The following CACNA2D1 variants were observed in gnomAD, a reference collection of about 807,000 sequenced individuals.
The protein encoded by CACNA2D1 is voltage-dependent calcium channel subunit alpha-2/delta-1.
CACNA2D1 carries 53 observed loss-of-function variants against 171.5 expected under a neutral mutation model. The observed-to-expected ratio is 0.31, with a 90% CI of 0.25 to 0.39. The LOEUF (loss-of-function observed/expected upper bound fraction) is 0.39, where lower values mean the gene tolerates loss of function less well. Among genes scored for constraint, CACNA2D1 ranks in the 10% least tolerant of loss-of-function variants. CACNA2D1 has a pLI of 1.00. For synonymous variants in CACNA2D1, 442 were observed against 443.1 expected, an observed-to-expected ratio of 1.00 and a Z score of 0.03; for missense variants, 903 against 1,299.8, an observed-to-expected ratio of 0.69 and a Z score of 4.69.
intron 6 of CACNA2D1, among the ~76,000 whole-genome samples, chr7:82,113,779 G>C (rs1173193861): frequency 6.6e-6 from 1 of 152,134 alleles, no homozygotes; most frequent in African/African-American, 2.4e-5. Context: ...AAATTTTCCA[G>C]ATCTTGTGGA....
At chr7:82,366,555 T>G (rs1239273644) in intron 1 of CACNA2D1, among the ~76,000 whole-genome samples, 1 of 150,748 alleles carries the variant, frequency 6.6e-6, no homozygotes, top group Non-Finnish European at 1.5e-5. Context: ...AAGACAATTA[T>G]GTGTTCTTTT....
intron 1 of CACNA2D1, among the ~76,000 whole-genome samples, chr7:82,352,102 T>C (rs1331546048): frequency 6.6e-6 from 1 of 152,212 alleles, no homozygotes; most frequent in Non-Finnish European, 1.5e-5. Context: ...TGAGCCTGTT[T>C]TGGCTGAAAA....
chr7:82,291,494 T>A (rs1398644491), intron 3 of CACNA2D1, among the ~76,000 whole-genome samples: 1 of 129,682 alleles, frequency 7.7e-6, no homozygotes, highest in African/African-American at 2.8e-5. Context: ...TTATATATAT[T>A]TTTATATATA....
At chr7:82,251,414 A>C (rs560530494) in intron 3 of CACNA2D1, among the ~76,000 whole-genome samples, 8 of 152,158 alleles carry the variant, frequency 5.3e-5, no homozygotes, top group Non-Finnish European at 1.2e-4. Context: ...CTTCTGTCGA[A>C]ACTCACTGAA....
intron 18 of CACNA2D1, among the ~76,000 whole-genome samples, chr7:82,003,398 T>C (rs376546525): frequency 6.6e-6 from 1 of 151,982 alleles, no homozygotes; most frequent in East Asian, 1.9e-4. Flanking sequence ...ATTTGTTTTC[T>C]CTGTAATATT....
chr7:82,034,366 TAATA>T (rs1803051607), intron 11 of CACNA2D1, among the ~76,000 whole-genome samples: 4 of 152,148 alleles, frequency 2.6e-5, no homozygotes, highest in Non-Finnish European at 5.9e-5. Flanking sequence ...TTGTGAAAAT[TAATA>T]AATACAACGT....
At chr7:82,297,132 A>T (rs1024515425) in intron 3 of CACNA2D1, among the ~76,000 whole-genome samples, 3 of 150,134 alleles carry the variant, frequency 2.0e-5, no homozygotes, top group African/African-American at 7.4e-5. Context: ...CTATAGCCCC[A>T]GCTAATCAGG....
At chr7:82,029,225 C>G (rs1222586565) in intron 12 of CACNA2D1, 1 of 151,664 alleles carries the variant, frequency 6.6e-6, no homozygotes, top group Admixed American at 6.6e-5. Context: ...CTTAGATGAT[C>G]GTTAGTGTTT....
chr7:82,012,364 C>T (rs1799894532), intron 14 of CACNA2D1, 121 bp from the exon 15 acceptor site: 2 of 671,080 alleles, frequency 3.0e-6, no homozygotes. Context: ...ATTATTGACA[C>T]TGAATATATA....
intron 10 of CACNA2D1, chr7:82,050,461 T>C (rs1450427056): frequency 4.6e-5 from 30 of 646,550 alleles, no homozygotes; most frequent in Admixed American, 2.4e-5. Context: ...GTCACCTGCA[T>C]AGGTAGTGAG....
intron 1 of CACNA2D1, among the ~76,000 whole-genome samples, chr7:82,364,070 C>T (rs12539662): frequency 4.6e-5 from 7 of 151,730 alleles, no homozygotes; most frequent in South Asian, 2.1e-4. Flanking sequence ...CCTGTCTCTA[C>T]GAAGAAAAAA....
rs1257050809 is a variant in CACNA2D1 at position 82,417,942 on chromosome 7, A to G, written c.95+25423T>C. On this transcript the variant is annotated intron_variant, in intron 1 of 38. Coordinates refer to ENST00000356860, the MANE Select transcript of CACNA2D1 (RefSeq NM_000722.4). The stretch of plus-strand genomic sequence containing the variant: ...GGAGAGGACAATATTAAAAGGAGAC[A>G]CTAACCACATCAACATGAGTCTTTC... Among the ~76,000 whole-genome samples, 5 of 152,228 alleles carry G rather than the reference A, an allele frequency of 3.3e-5. No homozygotes were observed. The East Asian group carries it at 9.6e-4, about 29-fold the overall frequency.
chr7:82,183,922 C>T (rs1797398955), intron 3 of CACNA2D1, among the ~76,000 whole-genome samples: 1 of 152,050 alleles, frequency 6.6e-6, no homozygotes, highest in African/African-American at 2.4e-5. Context: ...CTTCTTATAT[C>T]AAAGGGGATT....
At chr7:82,209,055 A>T (rs1277312000) in intron 3 of CACNA2D1, among the ~76,000 whole-genome samples, 1 of 152,222 alleles carries the variant, frequency 6.6e-6, no homozygotes, top group Non-Finnish European at 1.5e-5. Context: ...CCCATATTTT[A>T]CATCAATGAA....
At chr7:82,149,792 A>C (rs1563121769) in intron 4 of CACNA2D1, among the ~76,000 whole-genome samples, 1 of 143,810 alleles carries the variant, frequency 7.0e-6, no homozygotes, top group African/African-American at 2.6e-5. Context: ...ACAAACAAAC[A>C]ACAAAAAAAA....
At chr7:82,105,812 G>T (rs1177900079) in intron 6 of CACNA2D1, among the ~76,000 whole-genome samples, 3 of 151,998 alleles carry the variant, frequency 2.0e-5, no homozygotes, top group African/African-American at 7.2e-5. Context: ...ATAATAACTG[G>T]CCCCAGTGTC....
intron 1 of CACNA2D1, among the ~76,000 whole-genome samples, chr7:82,362,694 C>T (rs1180499820): frequency 3.3e-5 from 5 of 152,124 alleles, no homozygotes; most frequent in African/African-American, 7.2e-5. Flanking sequence ...TGGCCTCATA[C>T]TCATTTGTAT....
At chr7:82,392,325 C>G (rs1459145361) in intron 1 of CACNA2D1, among the ~76,000 whole-genome samples, 1 of 152,254 alleles carries the variant, frequency 6.6e-6, no homozygotes, top group Non-Finnish European at 1.5e-5. Flanking sequence ...CACCCAACTT[C>G]AGGTGGGGGG....
chr7:82,064,482 T>C (rs975505742), intron 8 of CACNA2D1, 128 bp from the exon 9 acceptor site: 70 of 608,704 alleles, frequency 1.1e-4, no homozygotes, highest in Non-Finnish European at 1.9e-4. Context: ...TCTATCTAAG[T>C]AGACAATGGT....
Sources: allele counts gnomAD v4.1 joint callset (sites outside exome capture counted in the v4.1 genomes callset), GRCh38; gene constraint gnomAD v4.1.1; transcripts MANE v1.5; gene names NCBI Gene and HGNC (gene_info 2026-07-23, HGNC 2026-07-21).